Variants in PTPRD observed in about 807,000 individuals in gnomAD.
PTPRD encodes receptor-type tyrosine-protein phosphatase delta.
PTPRD carries 34 observed loss-of-function variants against 214.5 expected under a neutral mutation model. The observed-to-expected ratio is 0.16, with a 90% CI of 0.12 to 0.21. The LOEUF (loss-of-function observed/expected upper bound fraction) is 0.21. PTPRD is among the 10% of genes least tolerant of loss of function. The pLI, the probability that PTPRD is intolerant of heterozygous loss-of-function variation, is 1.00. For missense variants in PTPRD, 2,545 were observed against 2,398.7 expected (o/e 1.06, Z -1.27); for synonymous variants, 1,128 against 845.7 (o/e 1.33, Z -5.79).
At chr9:9,674,777 T>C (rs923211965) in intron 7 of PTPRD, among the ~76,000 whole-genome samples, 2 of 151,870 alleles carry the variant, frequency 1.3e-5, no homozygotes, top group African/African-American at 4.8e-5. Flanking sequence ...TCTCAACATA[T>C]ATTTCAAATA....
chr9:9,715,141 G>A (rs1242383308), intron 7 of PTPRD, among the ~76,000 whole-genome samples: 2 of 152,094 alleles, frequency 1.3e-5, no homozygotes, highest in Non-Finnish European at 2.9e-5. Flanking sequence ...TATGTCACTG[G>A]ACTTCACATT....
At chr9:10,402,922 G>C (rs1008215127) in intron 2 of PTPRD, among the ~76,000 whole-genome samples, 2 of 151,426 alleles carry the variant, frequency 1.3e-5, no homozygotes, top group African/African-American at 4.8e-5. Flanking sequence ...CATTAGATCT[G>C]TTTGAATTGG....
chr9:9,707,315 G>A (rs1200619256), intron 7 of PTPRD, among the ~76,000 whole-genome samples: 1 of 152,166 alleles, frequency 6.6e-6, no homozygotes, highest in Admixed American at 6.5e-5. Context: ...GGGCCTTAGA[G>A]ATCACAGTTG....
chr9:10,469,451 T>C (rs927619478), intron 2 of PTPRD, among the ~76,000 whole-genome samples: 7 of 152,142 alleles, frequency 4.6e-5, no homozygotes, highest in Admixed American at 3.9e-4. Context: ...TCATTAAAGA[T>C]AGCAATGCAC....
intron 11 of PTPRD, among the ~76,000 whole-genome samples, chr9:8,925,258 T>C (rs2098866220): frequency 6.6e-6 from 1 of 152,112 alleles, no homozygotes; most frequent in Admixed American, 6.6e-5. Flanking sequence ...ATGCAGCTAC[T>C]TATTGGTCAC....
chr9:8,611,405 G>T (rs957330823), intron 14 of PTPRD, among the ~76,000 whole-genome samples: 1 of 152,088 alleles, frequency 6.6e-6, no homozygotes, highest in Admixed American at 6.6e-5. Context: ...AAAGAAAGGG[G>T]AATAAAAACC....
chr9:10,133,391 G>A (rs1436657661), intron 3 of PTPRD, among the ~76,000 whole-genome samples: 1 of 152,190 alleles, frequency 6.6e-6, no homozygotes, highest in Non-Finnish European at 1.5e-5. Flanking sequence ...GTTTAACTCT[G>A]CAGGTGACGG....
chr9:8,375,990 C>A lies in PTPRD; in HGVS notation c.4607G>T (p.Arg1536Leu), dbSNP rs142960593. ...GGGAGGGTTACAGGTTTTGACTCTA[C>A]GTAAGAAAGCTAGAAAAGGTGTAGG... Reference protein sequence around the residue: ...EHPTPFLAFLRRVKTCNPPDA... With the variant: ...EHPTPFLAFLLRVKTCNPPDA... Residue 1536 changes from arginine to leucine, a missense_variant, in exon 39 of 46, where the codon CGT becomes CTT. By Grantham distance (102) the Arg-to-Leu change is moderately radical (BLOSUM62 -2). Transcript: ENST00000381196. The A allele has an allele frequency of 1.2e-6, 2 of 1,612,808 alleles. No homozygotes were observed. Among genetic ancestry groups the A allele is most frequent in the South Asian group, 1.1e-5 (1 of 91,038 alleles).
chr9:8,481,398 A>G (rs1238428578), intron 30 of PTPRD, among the ~76,000 whole-genome samples: 1 of 152,208 alleles, frequency 6.6e-6, no homozygotes, highest in Non-Finnish European at 1.5e-5. Context: ...TAGGATGTGT[A>G]TCAGGTCTGA....
At chr9:8,581,845 T>C (rs1351806104) in intron 14 of PTPRD, among the ~76,000 whole-genome samples, 3 of 137,494 alleles carry the variant, frequency 2.2e-5, no homozygotes, top group African/African-American at 8.5e-5. Context: ...AATCCCAGCA[T>C]TTGGGGAGGT....
intron 12 of PTPRD, among the ~76,000 whole-genome samples, chr9:8,663,324 C>A (rs1479970246): frequency 6.9e-6 from 1 of 144,500 alleles, no homozygotes; most frequent in East Asian, 2.0e-4. Context: ...GTAAAAGACT[C>A]ACAAGGAAAA....
At chr9:8,752,165 C>T (rs923552473) in intron 11 of PTPRD, among the ~76,000 whole-genome samples, 5 of 152,242 alleles carry the variant, frequency 3.3e-5, no homozygotes, top group East Asian at 3.9e-4. Context: ...CATTCTCAGA[C>T]GGTTAGGGCA....
intron 2 of PTPRD, among the ~76,000 whole-genome samples, chr9:10,384,036 G>T (rs757950907): frequency 2.7e-5 from 4 of 149,436 alleles, no homozygotes; most frequent in Non-Finnish European, 5.9e-5. Flanking sequence ...GAAGGGTAGT[G>T]CAGGGACTGA....
intron 3 of PTPRD, among the ~76,000 whole-genome samples, chr9:10,183,414 A>G (rs933247442): frequency 1.3e-5 from 2 of 152,164 alleles, no homozygotes; most frequent in Non-Finnish European, 2.9e-5. Context: ...TAAGGAATGT[A>G]TATCTCTGAA....
chr9:8,447,874 C>T (rs1049571506), intron 34 of PTPRD, among the ~76,000 whole-genome samples: 1 of 152,102 alleles, frequency 6.6e-6, no homozygotes, highest in African/African-American at 2.4e-5. Flanking sequence ...GAAATCTGAT[C>T]CGTTTTTCTA....
At chr9:10,431,111 T>A (rs2098673347) in intron 2 of PTPRD, among the ~76,000 whole-genome samples, 1 of 151,988 alleles carries the variant, frequency 6.6e-6, no homozygotes, top group Admixed American at 6.6e-5. Flanking sequence ...TCCATTAACA[T>A]AAGCCTCTCA....
chr9:10,328,324 C>T (rs2096683331), intron 3 of PTPRD, among the ~76,000 whole-genome samples: 2 of 151,590 alleles, frequency 1.3e-5, no homozygotes, highest in Admixed American at 1.3e-4. Context: ...TATTGAATTA[C>T]ACCCGGTACT....
chr9:9,835,371 G>A (rs1385018847), intron 5 of PTPRD, among the ~76,000 whole-genome samples: 2 of 152,006 alleles, frequency 1.3e-5, no homozygotes, highest in African/African-American at 2.4e-5. Flanking sequence ...TACCTGAAAG[G>A]ATGCCACTTT....
chr9:9,737,897 G>A (rs1372980303), intron 6 of PTPRD, among the ~76,000 whole-genome samples: 6 of 152,126 alleles, frequency 3.9e-5, no homozygotes, highest in African/African-American at 1.4e-4. Flanking sequence ...TTGATGAACT[G>A]CCAAACTGTC....
Sources: allele counts gnomAD v4.1 joint callset (sites outside exome capture counted in the v4.1 genomes callset), GRCh38; gene constraint gnomAD v4.1.1; transcripts MANE v1.5; gene names NCBI Gene and HGNC (gene_info 2026-07-23, HGNC 2026-07-21).